Variants in PTBP2 observed in about 807,000 individuals in gnomAD.
PTBP2 encodes the protein polypyrimidine tract binding protein 2.
A neutral mutation model predicts 61.4 loss-of-function variants in PTBP2; 13 were observed. That is an observed-to-expected ratio of 0.21 (90% CI 0.14 to 0.34). The LOEUF is 0.34. Among genes scored for constraint, PTBP2 ranks in the 10% least tolerant of loss-of-function variants. The pLI, the probability that PTBP2 is intolerant of heterozygous loss-of-function variation, is 1.00. For missense variants in PTBP2, 405 were observed against 642.6 expected, an observed-to-expected ratio of 0.63 and a Z score of 4.00; for synonymous variants, 215 against 218.5, an observed-to-expected ratio of 0.98 and a Z score of 0.14.
At chr1:96,761,818 T>C (rs1338101514) in intron 3 of PTBP2, among the ~76,000 whole-genome samples, 1 of 152,046 alleles carries the variant, frequency 6.6e-6, no homozygotes, top group Non-Finnish European at 1.5e-5. Flanking sequence ...AGGACAATAG[T>C]GGAGGGAAGG....
chr1:96,782,227 A>G (rs1163209850), intron 7 of PTBP2, among the ~76,000 whole-genome samples: 1 of 152,010 alleles, frequency 6.6e-6, no homozygotes, highest in Non-Finnish European at 1.5e-5. Context: ...TCCTGTTTAT[A>G]TGATCATTTT....
chr1:96,789,639 TTTTC>T (rs373665164), intron 8 of PTBP2, among the ~76,000 whole-genome samples: 11 of 152,130 alleles, frequency 7.2e-5, no homozygotes, highest in African/African-American at 1.2e-4. Context: ...AAAACTTTGA[TTTTC>T]TTTCTTTGTT....
intron 5 of PTBP2, among the ~76,000 whole-genome samples, chr1:96,775,781 G>T (rs1657965869): frequency 6.6e-6 from 1 of 151,952 alleles, no homozygotes; most frequent in African/African-American, 2.4e-5. Context: ...AAAAATATAT[G>T]AAGTCATTAA....
intron 2 of PTBP2, among the ~76,000 whole-genome samples, chr1:96,740,285 A>G (rs1253645643): frequency 3.3e-5 from 5 of 152,190 alleles, no homozygotes; most frequent in East Asian, 1.9e-4. Context: ...CAGCAAGGCA[A>G]CTTTCCTTCT....
In PTBP2 at chr1:96,743,180, G is replaced by A. The variant is rs796153502; in HGVS notation, c.40-8245G>A. Among the ~76,000 whole-genome samples, 7 of 152,034 alleles carry A rather than the reference G, an allele frequency of 4.6e-5. No homozygotes were observed. The East Asian group carries it at 5.8e-4, about 13-fold the overall frequency. On this transcript the variant is annotated intron_variant, in intron 2 of 13. Transcript: ENST00000674951. ...GGGGCACCTGTAGTCCCAGCTACTCGGGAGGCTGAGGCAGGAGAATGGTGT... is the reference window on the plus strand; with the variant it reads ...GGGGCACCTGTAGTCCCAGCTACTCAGGAGGCTGAGGCAGGAGAATGGTGT...
At chr1:96,778,104 A>G (rs1243278291) in intron 7 of PTBP2, among the ~76,000 whole-genome samples, 158 bp downstream of exon 7, 1 of 151,262 alleles carries the variant, frequency 6.6e-6, no homozygotes, top group Non-Finnish European at 1.5e-5. Flanking sequence ...GTCATAAAAG[A>G]AATATTTATT....
intron 2 of PTBP2, among the ~76,000 whole-genome samples, chr1:96,732,248 G>A (rs950749269): frequency 1.3e-5 from 2 of 152,158 alleles, no homozygotes; most frequent in Non-Finnish European, 2.9e-5. Flanking sequence ...ATAGTTGTGT[G>A]TAACTGGTTG....
At chr1:96,774,665 A>G (rs1211285870) in intron 5 of PTBP2, among the ~76,000 whole-genome samples, 2 of 152,172 alleles carry the variant, frequency 1.3e-5, no homozygotes, top group Non-Finnish European at 2.9e-5. Context: ...CCTGTTGGCT[A>G]TATTACTACG....
At chr1:96,722,003 C>T in intron 1 of PTBP2, 131 bp downstream of exon 1, 1 of 1,196,500 alleles carries the variant, frequency 8.4e-7, no homozygotes, top group Non-Finnish European at 1.2e-6. Context: ...CAACCCCCGC[C>T]CCATCGCACA....
intron 2 of PTBP2, among the ~76,000 whole-genome samples, chr1:96,745,957 T>A (rs1429773824): frequency 1.3e-5 from 2 of 151,772 alleles, no homozygotes; most frequent in Admixed American, 1.3e-4. Context: ...TCCCAGCTAC[T>A]CAGGAGGCTG....
In PTBP2 at chr1:96,737,474, C is replaced by CA. The variant is rs573578610; in HGVS notation, c.39+13889dup. Among the ~76,000 whole-genome samples the CA allele has an allele frequency of 2.9e-3, 425 of 146,780 alleles. 17 individuals are homozygous for CA. The South Asian group carries it at 0.07, about 24-fold the overall frequency. ...TAAAGATGTATAATCCAAAAGAAGG[C>CA]AAAAAAAAAGGAAAGACACAAAGTG... is the stretch of plus-strand genomic sequence containing the variant. On this transcript the variant is annotated intron_variant, in intron 2 of 13. Transcript: ENST00000674951.
At chr1:96,771,534 T>C (rs1268324271) in intron 5 of PTBP2, 1 of 151,890 alleles carries the variant, frequency 6.6e-6, no homozygotes, top group African/African-American at 2.4e-5. Context: ...ACAAAATCAT[T>C]TTGTTAGTTT....
intron 8 of PTBP2, among the ~76,000 whole-genome samples, chr1:96,804,411 C>G (rs1251336204): frequency 6.6e-6 from 1 of 150,866 alleles, no homozygotes; most frequent in Non-Finnish European, 1.5e-5. Context: ...AAGTGAATTA[C>G]CATTATGTCG....
chr1:96,783,676 A>G (rs1658929592), intron 7 of PTBP2, among the ~76,000 whole-genome samples: 1 of 152,094 alleles, frequency 6.6e-6, no homozygotes, highest in African/African-American at 2.4e-5. Context: ...TTGTGTAGAA[A>G]CATCAGTTCT....
chr1:96,771,103 A>ATT lies in PTBP2; in HGVS notation c.432+254_432+255dup, dbSNP rs1657329226. On this transcript the variant is annotated intron_variant, in intron 5 of 13. Transcript: ENST00000674951. ...TTTGTGTAGAAACTTATCAGGTAGG[A>ATT]TTTATTATTAGCATAAACTGTTTAT... is the stretch of plus-strand genomic sequence containing the variant. The ATT allele has an allele frequency of 3.1e-5, 9 of 294,072 alleles. 1 individual carries two copies. In the South Asian group the frequency reaches 4.8e-4, roughly 16 times the overall value. 18.2% of individuals were successfully genotyped at this position (294,072 alleles called of 1,614,324 possible).
intron 4 of PTBP2, among the ~76,000 whole-genome samples, 183 bp downstream of exon 4, chr1:96,770,058 A>G (rs1657212733): frequency 6.6e-6 from 1 of 152,080 alleles, no homozygotes; most frequent in Admixed American, 6.5e-5. Flanking sequence ...GAATCACTAT[A>G]GTTTTTAAAC....
At chr1:96,784,352 G>T (rs1658997715) in intron 7 of PTBP2, among the ~76,000 whole-genome samples, 1 of 152,018 alleles carries the variant, frequency 6.6e-6, no homozygotes, top group Non-Finnish European at 1.5e-5. Flanking sequence ...TCCCGATTAA[G>T]AAATTGAGAT....
At chr1:96,746,433 C>A (rs1279093178) in intron 2 of PTBP2, among the ~76,000 whole-genome samples, 1 of 151,904 alleles carries the variant, frequency 6.6e-6, no homozygotes, top group African/African-American at 2.4e-5. Context: ...CATCTTTTTT[C>A]CCCCCACATT....
chr1:96,735,025 C>T (rs972817650), intron 2 of PTBP2, among the ~76,000 whole-genome samples: 3 of 150,686 alleles, frequency 2.0e-5, no homozygotes, highest in Admixed American at 6.7e-5. Flanking sequence ...TCAAGCGATT[C>T]TCCTGCCTCA....
Sources: gnomAD v4.1 joint callset for allele counts (sites outside exome capture counted in the v4.1 genomes callset) on GRCh38, gnomAD v4.1.1 for gene constraint, MANE v1.5 for transcripts, NCBI Gene and HGNC (gene_info 2026-07-23, HGNC 2026-07-21) for gene names.